Variants in GLIS1 observed in about 807,000 individuals in gnomAD.
GLIS1 encodes GLIS family zinc finger 1.
In GLIS1, 24 loss-of-function variants were observed where a neutral mutation model predicts 63.8. The observed-to-expected ratio is 0.38, with a 90% CI of 0.27 to 0.53. GLIS1 has a LOEUF of 0.53. Among genes scored for constraint, GLIS1 ranks in the 20% least tolerant of loss-of-function variants. The pLI is 0.85. For missense variants in GLIS1, 1,036 were observed against 1,074.1 expected (o/e 0.96, Z 0.50); for synonymous variants, 450 against 482.5 (o/e 0.93, Z 0.88).
At chr1:53,599,418 C>T (rs191716504) in intron 3 of GLIS1, among the ~76,000 whole-genome samples, 3 of 152,292 alleles carry the variant, frequency 2.0e-5, no homozygotes, top group South Asian at 2.1e-4. Flanking sequence ...TGCGCCACCT[C>T]GGGACTCTGC....
In GLIS1 at chr1:53,594,222, C is replaced by A; in HGVS notation, c.1206G>T (p.Glu402Asp). 6.2e-7 allele frequency: 1 copy of A among 1,613,934 alleles called. No homozygotes were observed. Among genetic ancestry groups the A allele is most frequent in the Non-Finnish European group, 8.5e-7 (1 of 1,179,988 alleles). The change falls in exon 4 of 11, where the codon GAG becomes GAT. Residue 402 changes from glutamate (E) to aspartate (D), a missense_variant. By Grantham distance (45) the Glu-to-Asp change is conservative. Transcript: ENST00000628545. ...EKSHIDQRKG[E>D]DFTCFWAGCV... is the part of the protein sequence containing the mutation. ...AGCCAGCCCAGAAGCAGGTGAAGTC[C>A]TCGCCCTTGCGCTGGTCGATGTGGC...
chr1:53,510,427 C>T (rs759785210), intron 8 of GLIS1, among the ~76,000 whole-genome samples: 50 of 152,176 alleles, frequency 3.3e-4, no homozygotes, highest in Non-Finnish European at 6.9e-4. Flanking sequence ...GCTGGGTGCC[C>T]GGCTCTCTGC....
intron 2 of GLIS1, among the ~76,000 whole-genome samples, chr1:53,689,791 T>C (rs1289409747): frequency 6.6e-6 from 1 of 152,158 alleles, no homozygotes; most frequent in African/African-American, 2.4e-5. Flanking sequence ...CTGAGAGGCA[T>C]CTCAGCGCCC....
chr1:53,719,116 C>A (rs1646727735), intron 2 of GLIS1, among the ~76,000 whole-genome samples: 1 of 152,220 alleles, frequency 6.6e-6, no homozygotes, highest in Non-Finnish European at 1.5e-5. Context: ...CGACCACTGC[C>A]CAGGTCCTTG....
intron 8 of GLIS1, among the ~76,000 whole-genome samples, 186 bp from the exon 9 acceptor site, chr1:53,510,213 T>G (rs1221799922): frequency 6.6e-6 from 1 of 152,202 alleles, no homozygotes; most frequent in African/African-American, 2.4e-5. Context: ...TTTTCAATCC[T>G]GTAAGCTTTG....
At chr1:53,536,034 T>C (rs908671032) in intron 4 of GLIS1, among the ~76,000 whole-genome samples, 1 of 152,100 alleles carries the variant, frequency 6.6e-6, no homozygotes, top group African/African-American at 2.4e-5. Flanking sequence ...CTCATTTCAC[T>C]TGTCAGAGAC....
rs554902535 is a variant in GLIS1, at chr1:53,509,386, T to C, written c.2063-99A>G. 6.2e-5 allele frequency: 77 copies of C among 1,240,504 alleles called. 4 individuals carry two copies. In the South Asian group the frequency reaches 1.1e-3, roughly 18 times the overall value. The allele number at this position is 1,240,504 out of a possible 1,614,324, so 76.8% of individuals were successfully genotyped here. On this transcript the variant is annotated intron_variant, in intron 9 of 10. Transcript: ENST00000628545. ...GCACGCTCCACCTCCCGTGTTGTCC[T>C]GTCCAGGCATTGTGGGTGTGAGAGA...
chr1:53,692,069 A>G (rs12076192), intron 2 of GLIS1, among the ~76,000 whole-genome samples: 38,106 of 152,076 alleles, frequency 0.25, 5,086 homozygotes, highest in African/African-American at 0.35. Context: ...CCCTATCTCT[A>G]TTAAATACCT....
intron 4 of GLIS1, among the ~76,000 whole-genome samples, chr1:53,533,627 CATCAGGACTGGTCTGGGATG>C (rs1321696329): frequency 6.6e-6 from 1 of 152,224 alleles, no homozygotes; most frequent in Non-Finnish European, 1.5e-5. Flanking sequence ...GGCACTGCCC[CATCAGGACTGGTCTGGGATG>C]AGGATGCTGC....
chr1:53,529,719 C>A, intron 5 of GLIS1, 72 bp downstream of exon 5: 6 of 1,489,526 alleles, frequency 4.0e-6, no homozygotes, highest in African/African-American at 1.4e-5. Context: ...AAGGCAGGGG[C>A]TCTGCACTGA....
At chr1:53,642,576 A>G (rs1286930436) in intron 2 of GLIS1, among the ~76,000 whole-genome samples, 1 of 152,206 alleles carries the variant, frequency 6.6e-6, no homozygotes, top group Non-Finnish European at 1.5e-5. Context: ...ACCCAAGTCA[A>G]GTGCTACCTC....
intron 4 of GLIS1, among the ~76,000 whole-genome samples, chr1:53,583,051 C>T (rs1041589807): frequency 2.6e-5 from 4 of 152,200 alleles, no homozygotes; most frequent in African/African-American, 9.7e-5. Flanking sequence ...AACTGCCTCC[C>T]AAAACTTGGG....
chr1:53,642,274 A>G lies in GLIS1; in HGVS notation c.260-41996T>C, dbSNP rs1014291402. Among the ~76,000 whole-genome samples, 3 of 152,256 alleles carry G rather than the reference A, an allele frequency of 2.0e-5. No homozygotes were observed. In the South Asian group the frequency reaches 6.2e-4, roughly 31 times the overall value. On this transcript the variant is annotated intron_variant, in intron 2 of 10. Transcript: ENST00000628545. Reference sequence around the variant, plus strand: ...AATTATAAACATCAGCAGCTTGGCAATCTGGGATCAGGGGAGCTGTCTTGC... The same window carrying G: ...AATTATAAACATCAGCAGCTTGGCAGTCTGGGATCAGGGGAGCTGTCTTGC...
intron 2 of GLIS1, among the ~76,000 whole-genome samples, chr1:53,733,348 G>T (rs1443911636): frequency 4.6e-5 from 7 of 152,160 alleles, no homozygotes. Flanking sequence ...AGCATATAAA[G>T]AAATTTACAT....
chr1:53,571,298 A>G (rs933577798), intron 4 of GLIS1, among the ~76,000 whole-genome samples: 1 of 152,248 alleles, frequency 6.6e-6, no homozygotes, highest in Non-Finnish European at 1.5e-5. Context: ...AGGTGCGAGT[A>G]TAAGCGGAAC....
intron 2 of GLIS1, among the ~76,000 whole-genome samples, chr1:53,714,573 C>T (rs138522373): frequency 6.6e-5 from 10 of 152,320 alleles, no homozygotes; most frequent in Non-Finnish European, 1.5e-4. Context: ...AAGATGGTCC[C>T]CATCTTTTCC....
intron 2 of GLIS1, among the ~76,000 whole-genome samples, chr1:53,601,652 G>A (rs770242894): frequency 8.5e-5 from 13 of 152,168 alleles, no homozygotes; most frequent in South Asian, 4.2e-4. Flanking sequence ...AAACAGAGGC[G>A]TGGGGAGGTT....
intron 2 of GLIS1, among the ~76,000 whole-genome samples, chr1:53,694,478 G>C (rs1282636860): frequency 6.6e-6 from 1 of 152,184 alleles, no homozygotes; most frequent in Non-Finnish European, 1.5e-5. Context: ...GCTGGCCCAG[G>C]AAAGCCCTGC....
chr1:53,704,141 T>G (rs535557962), intron 2 of GLIS1, among the ~76,000 whole-genome samples: 4 of 152,256 alleles, frequency 2.6e-5, no homozygotes, highest in African/African-American at 4.8e-5. Flanking sequence ...ATATGTGGCC[T>G]TTGAAAAGTC....
Sources: gnomAD v4.1 joint callset for allele counts (sites outside exome capture counted in the v4.1 genomes callset) on GRCh38, gnomAD v4.1.1 for gene constraint, MANE v1.5 for transcripts, NCBI Gene and HGNC (gene_info 2026-07-23, HGNC 2026-07-21) for gene names.